ZNF385B: variants seen among roughly 807,000 people sequenced by gnomAD.
ZNF385B encodes zinc finger protein 385B.
A neutral mutation model predicts 39.2 loss-of-function variants in ZNF385B; 23 were observed. The observed-to-expected ratio is 0.59, with a 90% CI of 0.42 to 0.83. The LOEUF is 0.83. Ranked by LOEUF, ZNF385B falls within the 40% of genes least tolerant of loss-of-function variation. The pLI is 0.00. For synonymous variants in ZNF385B, 205 were observed against 222.6 expected, an observed-to-expected ratio of 0.92 and a Z score of 0.70; for missense variants, 552 against 598.9, an observed-to-expected ratio of 0.92 and a Z score of 0.82.
Position 179,745,306 on chromosome 2 carries a change from A to T in ZNF385B, c.298+24197T>A, listed in dbSNP as rs1291630002. Among the ~76,000 whole-genome samples the T allele has an allele frequency of 7.2e-5, 11 of 152,226 alleles. No individual in the cohort carries two copies. The South Asian group carries it at 2.3e-3, about 32-fold the overall frequency. On this transcript the variant is annotated intron_variant, in intron 3 of 9. Transcript: ENST00000410066. ...ACTTGTCTCCTCCTATCTGTCTTTC[A>T]TGTCAAAGATTCTACAAAGTACATT...
intron 4 of ZNF385B, among the ~76,000 whole-genome samples, chr2:179,534,007 T>C (rs2059415026): frequency 6.6e-6 from 1 of 152,170 alleles, no homozygotes; most frequent in Non-Finnish European, 1.5e-5. Flanking sequence ...CTCCACTTAA[T>C]ATATTCTCTT....
At chr2:179,493,806 T>C (rs1386613020) in intron 5 of ZNF385B, among the ~76,000 whole-genome samples, 2 of 140,882 alleles carry the variant, frequency 1.4e-5, no homozygotes, top group Non-Finnish European at 1.5e-5. Flanking sequence ...TATATGTATA[T>C]ATACATATAT....
chr2:179,712,272 C>T (rs539538662), intron 3 of ZNF385B, among the ~76,000 whole-genome samples: 15 of 152,280 alleles, frequency 9.9e-5, no homozygotes, highest in African/African-American at 3.6e-4. Flanking sequence ...AAACTTTCTA[C>T]ATTTTCTTAA....
chr2:179,637,374 A>G (rs1691857092), intron 3 of ZNF385B: 1 of 152,118 alleles, frequency 6.6e-6, no homozygotes, highest in Non-Finnish European at 1.5e-5. Context: ...ACTTCAACAC[A>G]AGAACAAGGT....
chr2:179,458,033 TTAGA>T (rs2050892895), intron 6 of ZNF385B, among the ~76,000 whole-genome samples: 1 of 152,236 alleles, frequency 6.6e-6, no homozygotes, highest in South Asian at 2.1e-4. Flanking sequence ...ATGCTTAGTT[TTAGA>T]AATACCTTCT....
At chr2:179,822,231 T>G (rs1707440009) in intron 1 of ZNF385B, among the ~76,000 whole-genome samples, 1 of 152,232 alleles carries the variant, frequency 6.6e-6, no homozygotes, top group Admixed American at 6.5e-5. Context: ...AGATTGCCTG[T>G]CAACTTATTA....
intron 6 of ZNF385B, among the ~76,000 whole-genome samples, chr2:179,455,883 A>T (rs1392188971): frequency 2.8e-5 from 1 of 36,306 alleles, no homozygotes; most frequent in African/African-American, 2.1e-4. Context: ...GCATCTCAAA[A>T]AAAAAAAAAA....
intron 6 of ZNF385B, among the ~76,000 whole-genome samples, chr2:179,479,842 AAAAT>A (rs1326658695): frequency 1.3e-5 from 2 of 152,124 alleles, no homozygotes; most frequent in Non-Finnish European, 2.9e-5. Context: ...CTGTCTCAAA[AAAAT>A]AAATAAATAA....
chr2:179,792,655 G>A (rs529689476), intron 1 of ZNF385B, among the ~76,000 whole-genome samples: 20 of 123,858 alleles, frequency 1.6e-4, no homozygotes, highest in East Asian at 6.5e-4. Context: ...GATTACAGGC[G>A]TGAGCCACCA....
chr2:179,838,604 T>C (rs1001452474), intron 1 of ZNF385B, among the ~76,000 whole-genome samples: 2 of 152,108 alleles, frequency 1.3e-5, no homozygotes, highest in Admixed American at 1.3e-4. Flanking sequence ...CAAAACAAGA[T>C]TCCTCGGGAA....
At chr2:179,537,710 T>C (rs1302257551) in intron 4 of ZNF385B, among the ~76,000 whole-genome samples, 1 of 150,698 alleles carries the variant, frequency 6.6e-6, no homozygotes, top group Non-Finnish European at 1.5e-5. Flanking sequence ...CACTGCATGC[T>C]AGCCTAGGTG....
At chr2:179,505,361 T>C (rs2057162690) in intron 5 of ZNF385B, among the ~76,000 whole-genome samples, 1 of 152,132 alleles carries the variant, frequency 6.6e-6, no homozygotes, top group Non-Finnish European at 1.5e-5. Context: ...ATAGGACATT[T>C]TGTTGGCCTA....
At chr2:179,595,422 T>A (rs1687914816) in intron 3 of ZNF385B, among the ~76,000 whole-genome samples, 1 of 152,146 alleles carries the variant, frequency 6.6e-6, no homozygotes, top group South Asian at 2.1e-4. Flanking sequence ...TTGGGTTCCA[T>A]CATTCAGGAA....
At chr2:179,680,243 T>C (rs1451919013) in intron 3 of ZNF385B, among the ~76,000 whole-genome samples, 2 of 152,134 alleles carry the variant, frequency 1.3e-5, no homozygotes, top group African/African-American at 4.8e-5. Context: ...TAGTAAACTA[T>C]AAATAAAATG....
rs2049883673 is a variant in ZNF385B, at chr2:179,449,696, A to G, written c.716-2926T>C. Reference sequence around the variant, plus strand: ...ACTGCCCAAGGTAATTTATAGATTCAATGCCATCCCCATCGAGCTACCAAT... The same window carrying G: ...ACTGCCCAAGGTAATTTATAGATTCGATGCCATCCCCATCGAGCTACCAAT... On this transcript the variant is annotated intron_variant, in intron 6 of 9. Transcript: ENST00000410066. 2.0e-5 allele frequency among the ~76,000 whole-genome samples: 3 copies of G among 152,200 alleles called. No homozygotes were observed. The South Asian group carries it at 6.2e-4, about 31-fold the overall frequency.
chr2:179,855,931 G>A (rs1684558015), intron 1 of ZNF385B, among the ~76,000 whole-genome samples: 1 of 152,164 alleles, frequency 6.6e-6, no homozygotes, highest in Non-Finnish European at 1.5e-5. Flanking sequence ...CTCAAATCTG[G>A]TGGTGAGTGG....
chr2:179,446,510 A>C lies in ZNF385B; in HGVS notation c.961+15T>G, dbSNP rs751788174. 1 of 1,600,276 alleles carries C rather than the reference A, an allele frequency of 6.2e-7. No individual in the cohort carries two copies. The highest frequency in any genetic ancestry group is 8.5e-7 in the Non-Finnish European group (1 of 1,173,774). On this transcript the variant is annotated intron_variant, in intron 7 of 9. Coordinates refer to ENST00000410066, the MANE Select transcript of ZNF385B (RefSeq NM_152520.6). ...TGTTATAAACATTATTTAAATGCAA[A>C]AGATAGCTGCTAACCTGTGTTGTGT... is the stretch of plus-strand genomic sequence containing the variant.
chr2:179,806,434 C>A (rs1042280248), intron 1 of ZNF385B, among the ~76,000 whole-genome samples: 20 of 152,150 alleles, frequency 1.3e-4, no homozygotes, highest in Non-Finnish European at 1.3e-4. Flanking sequence ...GTTGGTGAGG[C>A]ATGGAGGTCA....
chr2:179,474,636 G>A (rs1289159038), intron 6 of ZNF385B, among the ~76,000 whole-genome samples: 1 of 151,934 alleles, frequency 6.6e-6, no homozygotes, highest in Non-Finnish European at 1.5e-5. Context: ...GTTATTATTA[G>A]TATTGCTATT....
Sources: allele counts gnomAD v4.1 joint callset (sites outside exome capture counted in the v4.1 genomes callset), GRCh38; gene constraint gnomAD v4.1.1; transcripts MANE v1.5; gene names NCBI Gene and HGNC (gene_info 2026-07-23, HGNC 2026-07-21).